Variants in UTRN observed in about 807,000 individuals in gnomAD.
The protein encoded by UTRN is utrophin, also known as dystrophin-related protein 1.
Under a neutral mutation model 463.9 loss-of-function variants are expected in UTRN, and 283 were observed. The observed-to-expected ratio is 0.61, with a 90% CI of 0.55 to 0.67. The LOEUF is 0.67. Among genes scored for constraint, UTRN ranks in the 30% least tolerant of loss-of-function variants. The pLI is 0.00. For missense variants in UTRN, 3,922 were observed against 4,084.3 expected, an observed-to-expected ratio of 0.96 and a Z score of 1.08; for synonymous variants, 1,442 against 1,431.5, an observed-to-expected ratio of 1.01 and a Z score of -0.17.
chr6:144,531,844 A>G (rs1237194601), intron 42 of UTRN, among the ~76,000 whole-genome samples: 1 of 152,166 alleles, frequency 6.6e-6, no homozygotes, highest in Non-Finnish European at 1.5e-5. Context: ...TTTCTTATAA[A>G]TGTGTTAATG....
chr6:144,777,728 G>A (rs776858917), intron 60 of UTRN, among the ~76,000 whole-genome samples: 18 of 152,174 alleles, frequency 1.2e-4, no homozygotes, highest in Non-Finnish European at 2.5e-4. Flanking sequence ...GAAGAAGGCA[G>A]GCTTCCTTGA....
chr6:144,485,549 T>A, intron 28 of UTRN, 30 bp downstream of exon 28: 1 of 1,613,850 alleles, frequency 6.2e-7, no homozygotes, highest in Non-Finnish European at 8.5e-7. Context: ...ACGGCATTTC[T>A]CTTTGCTGTG....
chr6:144,311,063 G>T (rs926397), intron 2 of UTRN, among the ~76,000 whole-genome samples: 60,574 of 152,014 alleles, frequency 0.4, 12,505 homozygotes, highest in African/African-American at 0.49. Flanking sequence ...TACATTTTTA[G>T]TTGGCATGAA....
chr6:144,677,277 C>A (rs1004110959), intron 51 of UTRN, among the ~76,000 whole-genome samples: 1 of 152,074 alleles, frequency 6.6e-6, no homozygotes, highest in African/African-American at 2.4e-5. Context: ...TCGCCCTACC[C>A]CCCGACATCC....
At chr6:144,719,564 C>T (rs564170942) in intron 53 of UTRN, among the ~76,000 whole-genome samples, 17 of 152,094 alleles carry the variant, frequency 1.1e-4, no homozygotes, top group Admixed American at 3.9e-4. Flanking sequence ...GCAACAAGAA[C>T]GAAACTCCAT....
chr6:144,573,744 G>T (rs1472508141), intron 50 of UTRN, among the ~76,000 whole-genome samples: 1 of 151,598 alleles, frequency 6.6e-6, no homozygotes. Context: ...TGGAAAGATT[G>T]TCATTTGGTA....
chr6:144,548,691 C>T lies in UTRN; in HGVS notation c.6647C>T (p.Pro2216Leu), dbSNP rs1253056292. ...VVLVSSASDI[P>L]VQSHRTSEIS... ...CTAGTATCATCTGCGTCAGATATTC[C>T]TGTTCAGTCTCATCGTACTTCGGAA... Residue 2216 changes from proline to leucine, a missense_variant, in exon 47 of 75, where the codon CCT becomes CTT. Transcript: ENST00000367545. The T allele has an allele frequency of 6.2e-7, 1 of 1,614,040 alleles. No homozygotes were observed. Among genetic ancestry groups the T allele is most frequent in the Non-Finnish European group, 8.5e-7 (1 of 1,179,956 alleles).
chr6:144,675,951 C>T (rs1429120951), intron 51 of UTRN, among the ~76,000 whole-genome samples: 1 of 152,008 alleles, frequency 6.6e-6, no homozygotes, highest in South Asian at 2.1e-4. Flanking sequence ...TATAGATTGC[C>T]AAATGTTTCC....
At chr6:144,450,801 G>A (rs927054519) in intron 17 of UTRN, among the ~76,000 whole-genome samples, 2 of 152,152 alleles carry the variant, frequency 1.3e-5, no homozygotes, top group Admixed American at 6.5e-5. Flanking sequence ...TCCTTATAAA[G>A]GTGAAAATTG....
intron 30 of UTRN, among the ~76,000 whole-genome samples, chr6:144,489,539 G>A (rs1792830357): frequency 6.6e-6 from 1 of 152,104 alleles, no homozygotes; most frequent in South Asian, 2.1e-4. Context: ...CATTAGAAAC[G>A]ACAAATGCAA....
At chr6:144,741,303 G>C (rs1027594031) in intron 54 of UTRN, among the ~76,000 whole-genome samples, 2 of 152,198 alleles carry the variant, frequency 1.3e-5, no homozygotes, top group African/African-American at 4.8e-5. Context: ...CTGGGAAGCA[G>C]CCTGGGGAGA....
intron 19 of UTRN, among the ~76,000 whole-genome samples, chr6:144,457,194 A>G (rs1277538038): frequency 6.6e-6 from 1 of 152,208 alleles, no homozygotes; most frequent in Non-Finnish European, 1.5e-5. Flanking sequence ...GTAACCAGCA[A>G]TATCTCAGGA....
intron 2 of UTRN, among the ~76,000 whole-genome samples, chr6:144,373,452 A>G (rs1780183833): frequency 6.6e-6 from 1 of 152,220 alleles, no homozygotes; most frequent in African/African-American, 2.4e-5. Context: ...ATTTATATGA[A>G]ATGTCTGCCA....
chr6:144,495,244 G>C (rs999733395), intron 33 of UTRN, among the ~76,000 whole-genome samples: 3 of 152,206 alleles, frequency 2.0e-5, no homozygotes, highest in Non-Finnish European at 2.9e-5. Context: ...AGCCCATGGA[G>C]GGGGTGGGAG....
chr6:144,581,328 A>T (rs746669728), intron 51 of UTRN, among the ~76,000 whole-genome samples: 103 of 152,204 alleles, frequency 6.8e-4, no homozygotes, highest in Non-Finnish European at 1.1e-3. Context: ...AATTATATTT[A>T]AAAATTTCAG....
intron 11 of UTRN, among the ~76,000 whole-genome samples, chr6:144,438,073 C>T (rs1786762307): frequency 6.6e-6 from 1 of 152,152 alleles, no homozygotes; most frequent in Admixed American, 6.5e-5. Flanking sequence ...TGAGACCAGC[C>T]TGGGCGACAT....
At chr6:144,333,634 C>T (rs934413658) in intron 2 of UTRN, among the ~76,000 whole-genome samples, 2 of 152,018 alleles carry the variant, frequency 1.3e-5, no homozygotes, top group Non-Finnish European at 2.9e-5. Flanking sequence ...ATGAGAATTC[C>T]CTGCATAGAT....
At chr6:144,707,493 C>T (rs1353917733) in intron 53 of UTRN, among the ~76,000 whole-genome samples, 1 of 152,120 alleles carries the variant, frequency 6.6e-6, no homozygotes, top group East Asian at 1.9e-4. Flanking sequence ...TCTCACTGGA[C>T]TCAGTGAGGC....
chr6:144,778,029 C>T lies in UTRN; in HGVS notation c.8632+3665C>T, dbSNP rs58908334. Among the ~76,000 whole-genome samples the T allele has an allele frequency of 2.2e-3, 335 of 151,994 alleles. 1 individual carries two copies. The highest frequency in any genetic ancestry group is 7.1e-3 in the African/African-American group (294 of 41,454). On this transcript the variant is annotated intron_variant, in intron 60 of 74. Coordinates refer to ENST00000367545, the MANE Select transcript of UTRN (RefSeq NM_007124.3). ...TTGTATTTCATGTTTGGATATTTTT[C>T]GTTATAGAATGGGGAGCCATGAGGC...
Sources: allele counts gnomAD v4.1 joint callset (sites outside exome capture counted in the v4.1 genomes callset), GRCh38; gene constraint gnomAD v4.1.1; transcripts MANE v1.5; gene names NCBI Gene and HGNC (gene_info 2026-07-23, HGNC 2026-07-21).